Variants in PAPSS1 observed in about 807,000 individuals in gnomAD.
The protein encoded by PAPSS1 is bifunctional 3'-phosphoadenosine 5'-phosphosulfate synthase 1.
A neutral mutation model predicts 72.0 loss-of-function variants in PAPSS1; 50 were observed. The observed-to-expected ratio is 0.69, with a 90% confidence interval of 0.55 to 0.88. The LOEUF is 0.88. Ranked by LOEUF, PAPSS1 falls within the 40% of genes least tolerant of loss-of-function variation. PAPSS1 has a pLI of 0.00. For missense variants in PAPSS1, 657 were observed against 782.2 expected (o/e 0.84, Z 1.91); for synonymous variants, 261 against 263.6 (o/e 0.99, Z 0.09).
intron 3 of PAPSS1, 76 bp from the exon 4 acceptor site, chr4:107,687,253 G>T: frequency 9.3e-7 from 1 of 1,071,414 alleles, no homozygotes; most frequent in Non-Finnish European, 1.3e-6. Context: ...TGAGTAAAAA[G>T]TGCTTCTCAT....
At chr4:107,685,841 C>T (rs1008629475) in intron 4 of PAPSS1, among the ~76,000 whole-genome samples, 1 of 152,152 alleles carries the variant, frequency 6.6e-6, no homozygotes, top group African/African-American at 2.4e-5. Flanking sequence ...AACTGAATGC[C>T]AAAATCTATC....
chr4:107,636,225 C>T (rs1362657368), intron 10 of PAPSS1, among the ~76,000 whole-genome samples: 1 of 152,090 alleles, frequency 6.6e-6, no homozygotes, highest in Non-Finnish European at 1.5e-5. Flanking sequence ...ACTCAAAGAT[C>T]CTTCAATTGG....
rs190612095 is a variant in PAPSS1, at chr4:107,639,060, G to A, written c.1506+5742C>T. Among the ~76,000 whole-genome samples the A allele has an allele frequency of 1.5e-3, 234 of 152,268 alleles. 2 individuals carry two copies. The highest frequency in any genetic ancestry group is 5.5e-3 in the African/African-American group (227 of 41,556). ...GAAACTGTATAGATTACCTAGCTGG[G>A]AAATCAGGAAAACCTGAAAAATCAG... On this transcript the variant is annotated intron_variant, in intron 10 of 11. Transcript: ENST00000265174.
chr4:107,692,599 C>T lies in PAPSS1; in HGVS notation c.411+1172G>A, dbSNP rs569474349. Among the ~76,000 whole-genome samples, 14 of 152,224 alleles carry T rather than the reference C, an allele frequency of 9.2e-5. No individual in the cohort carries two copies. In the South Asian group the frequency reaches 2.7e-3, roughly 29 times the overall value. ...CAGTGAATCCTCAAAGATCTTGAGG[C>T]AGAAATACCATTTGACCCAGCAATC... On this transcript the variant is annotated intron_variant, in intron 3 of 11. Transcript: ENST00000265174.
intron 6 of PAPSS1, 76 bp downstream of exon 6, chr4:107,659,883 G>C (rs1158386507): frequency 2.6e-6 from 2 of 781,616 alleles, no homozygotes; most frequent in African/African-American, 3.6e-5. Flanking sequence ...CTCAAATACT[G>C]CTATAAGTCA....
chr4:107,620,513 C>T (rs1578378320), intron 11 of PAPSS1, among the ~76,000 whole-genome samples: 1 of 152,164 alleles, frequency 6.6e-6, no homozygotes, highest in African/African-American at 2.4e-5. Flanking sequence ...TCATGTTTTC[C>T]TCCCAGCACT....
intron 1 of PAPSS1, among the ~76,000 whole-genome samples, chr4:107,716,261 G>A (rs1043859892): frequency 1.3e-5 from 2 of 152,322 alleles, no homozygotes; most frequent in East Asian, 3.9e-4. Context: ...ATGTACCTAT[G>A]AGGGCCACAC....
intron 7 of PAPSS1, among the ~76,000 whole-genome samples, chr4:107,655,471 TAAAG>T (rs556905733): frequency 9.9e-5 from 15 of 152,242 alleles, no homozygotes; most frequent in Admixed American, 2.0e-4. Flanking sequence ...AACCAAGAAA[TAAAG>T]ACAGTAATGA....
intron 1 of PAPSS1, among the ~76,000 whole-genome samples, chr4:107,709,666 C>G (rs1327447154): frequency 2.0e-5 from 3 of 152,152 alleles, no homozygotes; most frequent in Non-Finnish European, 2.9e-5. Flanking sequence ...GCATTTCTGA[C>G]TCTCAATGGC....
intron 1 of PAPSS1, among the ~76,000 whole-genome samples, chr4:107,706,590 T>C (rs1018593648): frequency 6.6e-6 from 1 of 152,252 alleles, no homozygotes; most frequent in African/African-American, 2.4e-5. Flanking sequence ...TTTAATTCTT[T>C]TTCAGGCAGT....
At position 107,668,470 on chromosome 4, in the gene PAPSS1, G is replaced by A. The variant is rs140540865; in HGVS notation, c.670-8398C>T. ...TGATCCTGGGTGCATCTGTGAGGGCGTTGCCAAAGGAGATTAACATTTGAG... is the reference window on the plus strand; with the variant it reads ...TGATCCTGGGTGCATCTGTGAGGGCATTGCCAAAGGAGATTAACATTTGAG... On this transcript the variant is annotated intron_variant, in intron 5 of 11. Coordinates refer to ENST00000265174, the MANE Select transcript of PAPSS1 (RefSeq NM_005443.5). Among the ~76,000 whole-genome samples the A allele has an allele frequency of 3.3e-3, 510 of 152,282 alleles. 1 individual carries two copies. The highest frequency in any genetic ancestry group is 0.01 in the Middle Eastern group (3 of 294).
chr4:107,621,800 AT>A (rs1474324425), intron 11 of PAPSS1, among the ~76,000 whole-genome samples: 3 of 145,726 alleles, frequency 2.1e-5, no homozygotes, highest in Non-Finnish European at 1.5e-5. Context: ...TTTTTTTTGT[AT>A]TTTTTTTTAG....
At chr4:107,664,534 C>T (rs1727266012) in intron 5 of PAPSS1, among the ~76,000 whole-genome samples, 1 of 152,162 alleles carries the variant, frequency 6.6e-6, no homozygotes, top group South Asian at 2.1e-4. Flanking sequence ...GGAGACCCCA[C>T]AACACTGAGG....
chr4:107,684,079 G>A (rs1560584135), intron 4 of PAPSS1, among the ~76,000 whole-genome samples: 1 of 152,028 alleles, frequency 6.6e-6, no homozygotes, highest in African/African-American at 2.4e-5. Context: ...ACAAGAAACT[G>A]GACTAATACA....
intron 5 of PAPSS1, among the ~76,000 whole-genome samples, chr4:107,675,769 G>A (rs907275888): frequency 1.3e-5 from 2 of 152,066 alleles, no homozygotes; most frequent in Admixed American, 6.6e-5. Context: ...GGTGAACATC[G>A]ATGCAAAAAT....
chr4:107,705,413 C>T (rs1014378372), intron 1 of PAPSS1, among the ~76,000 whole-genome samples: 3 of 152,164 alleles, frequency 2.0e-5, no homozygotes, highest in Non-Finnish European at 4.4e-5. Context: ...CCCCCTTGTT[C>T]TCTCTCTCCT....
chr4:107,627,331 C>T (rs1278493901), intron 11 of PAPSS1, among the ~76,000 whole-genome samples: 1 of 152,128 alleles, frequency 6.6e-6, no homozygotes, highest in Non-Finnish European at 1.5e-5. Flanking sequence ...TCTCCCTTGC[C>T]ACTATATTAG....
At chr4:107,684,596 G>C (rs1180270681) in intron 4 of PAPSS1, among the ~76,000 whole-genome samples, 1 of 152,050 alleles carries the variant, frequency 6.6e-6, no homozygotes, top group African/African-American at 2.4e-5. Flanking sequence ...AAGAACTTTG[G>C]TCTCCACAAT....
chr4:107,701,761 G>A (rs1409656681), intron 1 of PAPSS1, among the ~76,000 whole-genome samples: 1 of 152,150 alleles, frequency 6.6e-6, no homozygotes, highest in Non-Finnish European at 1.5e-5. Flanking sequence ...ACATCAGAGA[G>A]TGATAAGTGC....
Sources: allele counts gnomAD v4.1 joint callset (sites outside exome capture counted in the v4.1 genomes callset), GRCh38; gene constraint gnomAD v4.1.1; transcripts MANE v1.5; gene names NCBI Gene and HGNC (gene_info 2026-07-23, HGNC 2026-07-21).